DROSHA: variants seen among roughly 807,000 people sequenced by gnomAD.
DROSHA encodes ribonuclease 3.
A neutral mutation model predicts 181.9 loss-of-function variants in DROSHA; 56 were observed. The ratio of observed to expected loss-of-function variants is 0.31; its 90% CI spans 0.25 to 0.38. DROSHA has a LOEUF of 0.38. Ranked by LOEUF, DROSHA falls within the 10% of genes least tolerant of loss-of-function variation. DROSHA has a pLI of 1.00. For missense variants in DROSHA, 1,218 were observed against 1,743.5 expected (o/e 0.70, Z 5.37); for synonymous variants, 524 against 591.2 (o/e 0.89, Z 1.65).
intron 30 of DROSHA, among the ~76,000 whole-genome samples, chr5:31,415,064 G>A (rs1213619983): frequency 6.6e-6 from 1 of 152,176 alleles, no homozygotes; most frequent in Non-Finnish European, 1.5e-5. Context: ...TGCCAGCATA[G>A]CAGTCTTTCA....
intron 16 of DROSHA, among the ~76,000 whole-genome samples, chr5:31,473,510 C>T (rs777860235): frequency 6.6e-6 from 1 of 152,120 alleles, no homozygotes; most frequent in African/African-American, 2.4e-5. Flanking sequence ...TAACAGCCAC[C>T]GTTCTAGGCC....
At chr5:31,497,628 T>C (rs761524232) in intron 11 of DROSHA, among the ~76,000 whole-genome samples, 3 of 152,354 alleles carry the variant, frequency 2.0e-5, no homozygotes, top group Admixed American at 2.0e-4. Flanking sequence ...GAACAGTCCA[T>C]AGGGCTCACC....
intron 28 of DROSHA, 91 bp downstream of exon 28, chr5:31,424,336 G>A: frequency 1.4e-6 from 2 of 1,478,650 alleles, no homozygotes; most frequent in South Asian, 1.2e-5. Context: ...AGAATCAAAA[G>A]ATAAAAGTGG....
intron 10 of DROSHA, among the ~76,000 whole-genome samples, chr5:31,507,616 AAAAAAAAC>A (rs921161290): frequency 7.2e-5 from 11 of 151,854 alleles, no homozygotes; most frequent in Admixed American, 1.3e-4. Context: ...ACCAGGTCTC[AAAAAAAAC>A]AAAAAAACAA....
intron 11 of DROSHA, among the ~76,000 whole-genome samples, chr5:31,499,021 G>C (rs1265361612): frequency 6.6e-6 from 1 of 152,188 alleles, no homozygotes; most frequent in Non-Finnish European, 1.5e-5. Context: ...GGAGGGCACA[G>C]ACAGCAAGGA....
chr5:31,404,376 T>C (rs1333317754), intron 35 of DROSHA, among the ~76,000 whole-genome samples: 2 of 152,192 alleles, frequency 1.3e-5, no homozygotes, highest in East Asian at 3.8e-4. Flanking sequence ...GAAGAATCCA[T>C]GGATGCTGGA....
chr5:31,417,645 C>G (rs1039821983), intron 30 of DROSHA, among the ~76,000 whole-genome samples: 1 of 152,094 alleles, frequency 6.6e-6, no homozygotes, highest in East Asian at 1.9e-4. Flanking sequence ...GTATTCAAAG[C>G]CATGAGACAG....
At chr5:31,526,044 G>T in intron 5 of DROSHA, 35 bp downstream of exon 5, 1 of 1,529,800 alleles carries the variant, frequency 6.5e-7, no homozygotes, top group South Asian at 1.3e-5. Context: ...CTGGGCCTCT[G>T]CAGTTCATTA....
At chr5:31,508,026 C>T (rs948482053) in intron 10 of DROSHA, among the ~76,000 whole-genome samples, 7 of 152,074 alleles carry the variant, frequency 4.6e-5, no homozygotes, top group Non-Finnish European at 8.8e-5. Flanking sequence ...TACAGATATG[C>T]CTTAGCTTCC....
At chr5:31,523,379 T>TA (rs2150062006) in intron 5 of DROSHA, among the ~76,000 whole-genome samples, 1 of 152,356 alleles carries the variant, frequency 6.6e-6, no homozygotes, top group East Asian at 1.9e-4. Context: ...AAGTAATTCT[T>TA]ACGACACTTG....
rs1425814887 is a variant in DROSHA, at chr5:31,511,027, T to C, written c.1432+8A>G. 1.9e-6 allele frequency: 3 copies of C among 1,613,788 alleles called. No individual in the cohort carries two copies. Among genetic ancestry groups the C allele is most frequent in the African/African-American group, 1.3e-5 (1 of 74,938 alleles). On this transcript the variant is annotated splice_region_variant and intron_variant, in intron 9 of 35. Transcript: ENST00000344624. ...AGGGTCTCAGGCTAGTTAGTGACTCTGACTCACCTAAATCTTCATCGAGCT... is the reference window on the plus strand; with the variant it reads ...AGGGTCTCAGGCTAGTTAGTGACTCCGACTCACCTAAATCTTCATCGAGCT...
At chr5:31,530,725 C>A (rs905589350) in intron 3 of DROSHA, 73 bp downstream of exon 3, 4 of 395,474 alleles carry the variant, frequency 1.0e-5, no homozygotes, top group Admixed American at 4.4e-5. Context: ...CTCTATGAAG[C>A]CCTTCCTGAT....
At chr5:31,525,183 T>G (rs1740372601) in intron 5 of DROSHA, among the ~76,000 whole-genome samples, 1 of 151,610 alleles carries the variant, frequency 6.6e-6, no homozygotes, top group South Asian at 2.1e-4. Flanking sequence ...ATACAAAAAG[T>G]AGCTGGGCGT....
At chr5:31,427,639 C>T (rs1207065272) in intron 27 of DROSHA, among the ~76,000 whole-genome samples, 1 of 152,206 alleles carries the variant, frequency 6.6e-6, no homozygotes, top group Non-Finnish European at 1.5e-5. Context: ...AAACTGGCCA[C>T]AGCCAAGAAC....
intron 24 of DROSHA, 69 bp from the exon 25 acceptor site, chr5:31,435,933 A>G (rs924696712): frequency 4.2e-6 from 6 of 1,430,108 alleles, no homozygotes; most frequent in Non-Finnish European, 4.8e-6. Flanking sequence ...TCTGAGTCAC[A>G]GAAACAGGGC....
At chr5:31,464,023 C>A (rs115341935) in intron 20 of DROSHA, 10,920 of 558,536 alleles carry the variant, frequency 0.02, 145 homozygotes, top group Middle Eastern at 0.027. Flanking sequence ...CCTGCCCCAG[C>A]ACCCACAAAT....
At chr5:31,412,219 A>G (rs1198627867) in intron 30 of DROSHA, among the ~76,000 whole-genome samples, 2 of 152,208 alleles carry the variant, frequency 1.3e-5, no homozygotes, top group Non-Finnish European at 2.9e-5. Flanking sequence ...GAACTCACCA[A>G]ACAAAAATGG....
At chr5:31,499,831 CA>C (rs1426324018) in intron 11 of DROSHA, among the ~76,000 whole-genome samples, 2 of 152,118 alleles carry the variant, frequency 1.3e-5, no homozygotes, top group Non-Finnish European at 2.9e-5. Context: ...AGAACCACTA[CA>C]CTACAGAAGT....
In DROSHA at chr5:31,507,458, C is replaced by CA. The variant is rs74582937; in HGVS notation, c.1587+1162dup. Among the ~76,000 whole-genome samples the CA allele has an allele frequency of 4.3e-3, 526 of 122,754 alleles. 5 individuals carry two copies. The highest frequency in any genetic ancestry group is 0.011 in the African/African-American group (341 of 31,880). 80.5% of individuals were successfully genotyped at this position (122,754 alleles called of 152,430 possible). ...AGGCAATAAGAGCGAAACTCTGTCT[C>CA]AAAAAAAAAAAAAAAACTAGCCAGG... On this transcript the variant is annotated intron_variant, in intron 10 of 35. Transcript: ENST00000344624.
Sources: allele counts gnomAD v4.1 joint callset (sites outside exome capture counted in the v4.1 genomes callset), GRCh38; gene constraint gnomAD v4.1.1; transcripts MANE v1.5; gene names NCBI Gene and HGNC (gene_info 2026-07-23, HGNC 2026-07-21).